IGF2R: variants seen among roughly 807,000 people sequenced by gnomAD.
IGF2R encodes insulin like growth factor 2 receptor.
Under a neutral mutation model 270.6 loss-of-function variants are expected in IGF2R, and 91 were observed. That is an observed-to-expected ratio of 0.34 (90% CI 0.28 to 0.40). The LOEUF is 0.40. Among genes scored for constraint, IGF2R ranks in the 10% least tolerant of loss-of-function variants. The pLI is 1.00. For missense variants in IGF2R, 2,805 were observed against 3,188.3 expected (o/e 0.88, Z 2.90); for synonymous variants, 1,316 against 1,258.9 (o/e 1.05, Z -0.96).
intron 4 of IGF2R, among the ~76,000 whole-genome samples, chr6:160,018,754 A>T (rs1245209835): frequency 2.0e-5 from 3 of 151,470 alleles, no homozygotes; most frequent in Non-Finnish European, 2.9e-5. Flanking sequence ...GATGGAAATT[A>T]AAAAAAAATT....
intron 1 of IGF2R, among the ~76,000 whole-genome samples, chr6:159,980,429 C>T (rs1783781823): frequency 6.6e-6 from 1 of 152,146 alleles, no homozygotes; most frequent in Admixed American, 6.5e-5. Flanking sequence ...AATTTGTGAT[C>T]AGAGACAAGG....
chr6:160,075,406 A>T (rs141950513), intron 35 of IGF2R, among the ~76,000 whole-genome samples: 12 of 152,320 alleles, frequency 7.9e-5, no homozygotes, highest in Admixed American at 3.9e-4. Flanking sequence ...GTCCCGGGGC[A>T]GCACTGGGCA....
Position 160,060,638 on chromosome 6 carries a change from G to A in IGF2R, c.3183G>A (p.Gly1061=), listed in dbSNP as rs1017781613. 6 of 1,614,246 alleles carry A rather than the reference G, an allele frequency of 3.7e-6. No homozygotes were observed. Among genetic ancestry groups the A allele is most frequent in the Non-Finnish European group, 5.1e-6 (6 of 1,180,044 alleles). ...TCCTGCATCAAGATATCGACTCTGGGCAAGGGATCCGAAACACTTACTTTG... is the reference window on the plus strand; with the variant it reads ...TCCTGCATCAAGATATCGACTCTGGACAAGGGATCCGAAACACTTACTTTG... ...LKFLHQDIDS[G]QGIRNTYFEF... The change falls in exon 23 of 48, where the codon GGG becomes GGA. Residue 1061 remains glycine (G), a synonymous_variant. Coordinates refer to ENST00000356956, the MANE Select transcript of IGF2R (RefSeq NM_000876.4).
In IGF2R at chr6:160,071,928, A is replaced by T; in HGVS notation, c.4462A>T (p.Ile1488Phe). ...GTTGTAGAACTCCAGGCCCATGTTC[A>T]TCAGCGCCGTGGAGGACTGTGAGTA... ...ESQVNSRPMF[I>F]SAVEDCEYTF... The change falls in exon 32 of 48, where the codon ATC becomes TTC. Residue 1488 changes from isoleucine to phenylalanine, a missense_variant. By Grantham distance (21) the Ile-to-Phe change is conservative. This residue lies in a region of IGF2R where 1,851 missense variants were observed against 2,207.2 expected (regional missense o/e 0.84). Transcript: ENST00000356956. 1 of 1,614,174 alleles carries T rather than the reference A, an allele frequency of 6.2e-7. No individual in the cohort carries two copies. The highest frequency in any genetic ancestry group is 1.3e-5 in the African/African-American group (1 of 75,034).
chr6:160,065,906 T>G (rs1209051985), intron 29 of IGF2R, among the ~76,000 whole-genome samples: 2 of 148,074 alleles, frequency 1.4e-5, no homozygotes, highest in African/African-American at 5.0e-5. Flanking sequence ...TGGCGTGATC[T>G]TGTCTCACTG....
At chr6:159,997,018 G>A (rs76778371) in intron 2 of IGF2R, among the ~76,000 whole-genome samples, 10,877 of 152,260 alleles carry the variant, frequency 0.071, 447 homozygotes, top group Non-Finnish European at 0.094. Context: ...GGGTGGGGGA[G>A]GAGAAGTCCT....
rs776307638 is a variant in IGF2R at position 160,050,545 on chromosome 6, G to A, written c.2587G>A (p.Gly863Ser). The A allele has an allele frequency of 8.1e-6, 13 of 1,613,954 alleles. No homozygotes were observed. The East Asian group carries it at 1.1e-4, about 14-fold the overall frequency. The change falls in exon 19 of 48, where the codon GGC (glycine) becomes AGC (serine). Residue 863 changes from glycine to serine, a missense_variant. This residue lies in a region of IGF2R where 1,851 missense variants were observed against 2,207.2 expected (regional missense o/e 0.84). Coordinates refer to ENST00000356956, the MANE Select transcript of IGF2R (RefSeq NM_000876.4). This position sits in a 1 kb window ranked among gnomAD's most constrained non-coding sequence, Gnocchi z 4.0. ...AKTGPVVEDS[G>S]SLLLEYVNGS... Reference sequence around the variant, plus strand: ...GACCGGCCCGGTGGTTGAGGACAGCGGCAGCCTCCTTCTGGAATACGTGAA... The same window carrying A: ...GACCGGCCCGGTGGTTGAGGACAGCAGCAGCCTCCTTCTGGAATACGTGAA...
chr6:160,069,763 A>G, intron 30 of IGF2R, 105 bp from the exon 31 acceptor site: 1 of 972,664 alleles, frequency 1.0e-6, no homozygotes. Context: ...ACTCTTAGAA[A>G]GCGTATGAAG....
intron 5 of IGF2R, among the ~76,000 whole-genome samples, chr6:160,026,706 A>G (rs1341267525): frequency 1.3e-5 from 2 of 152,218 alleles, no homozygotes; most frequent in Non-Finnish European, 2.9e-5. Context: ...TTAATCCTCC[A>G]CCAAACCTGT....
intron 1 of IGF2R, among the ~76,000 whole-genome samples, chr6:159,982,296 ATGTATGAG>A (rs1783818221): frequency 6.6e-6 from 1 of 152,136 alleles, no homozygotes; most frequent in Non-Finnish European, 1.5e-5. Flanking sequence ...TGTGCTGGAT[ATGTATGAG>A]CTGAAACACT....
At chr6:160,045,514 C>T (rs898323889) in intron 13 of IGF2R, among the ~76,000 whole-genome samples, 1 of 152,190 alleles carries the variant, frequency 6.6e-6, no homozygotes, top group African/African-American at 2.4e-5. Context: ...CCATTAAACA[C>T]GAGCTCTCCA....
chr6:160,008,519 T>C (rs1024215736), intron 2 of IGF2R, among the ~76,000 whole-genome samples: 1 of 152,194 alleles, frequency 6.6e-6, no homozygotes, highest in Non-Finnish European at 1.5e-5. Flanking sequence ...GTCATTCTAC[T>C]TGTGGGCCTT....
chr6:160,035,081 A>G (rs911791508), intron 10 of IGF2R, among the ~76,000 whole-genome samples: 26 of 152,136 alleles, frequency 1.7e-4, no homozygotes, highest in African/African-American at 6.3e-4. Context: ...CGCTGTCCAT[A>G]TCTTGACGAT....
In IGF2R at chr6:160,102,748, G is replaced by A. The variant is rs893180727; in HGVS notation, c.6995+77G>A. ...CTAATCTTGGGGTCAGTTTTGTGGGGTTTTATTTATTTGTTTTTAAGCCCT... is the reference window on the plus strand; with the variant it reads ...CTAATCTTGGGGTCAGTTTTGTGGGATTTTATTTATTTGTTTTTAAGCCCT... On this transcript the variant is annotated intron_variant, in intron 46 of 47. Coordinates refer to ENST00000356956, the MANE Select transcript of IGF2R (RefSeq NM_000876.4). The surrounding 1 kb of genome is among the most constrained non-coding windows in gnomAD (Gnocchi z 4.5). The A allele has an allele frequency of 1.4e-6, 2 of 1,459,532 alleles. No individual in the cohort carries two copies. The highest frequency in any genetic ancestry group is 2.3e-5 in the Admixed American group (1 of 43,644). 90.4% of individuals were successfully genotyped at this position (1,459,532 alleles called of 1,614,324 possible).
rs1027346887 is a variant in IGF2R, at chr6:160,110,818, C to T, written c.*5734C>T. 1.3e-5 allele frequency: 2 copies of T among 152,088 alleles called. No homozygotes were observed. The highest frequency in any genetic ancestry group is 4.8e-5 in the African/African-American group (2 of 41,374). The allele number at this position is 152,088 out of a possible 1,614,324, so 9.4% of individuals were successfully genotyped here. A position where few individuals can be genotyped will look rare whatever the true frequency, so the allele number is the denominator to read the frequency against. On this transcript the variant is annotated 3_prime_UTR_variant, in exon 48 of 48. Transcript: ENST00000356956. ...ATTATGCTAAGTGAAATAAGCCAGA[C>T]ACAGAAAGAAAAATACCAGATGATC...
In IGF2R at chr6:160,108,842, C is replaced by T. The variant is rs1450740686; in HGVS notation, c.*3758C>T. On this transcript the variant is annotated 3_prime_UTR_variant, in exon 48 of 48. Transcript: ENST00000356956. ...GGATTAAAGGCACGCACTGCCACGC[C>T]CGGCTAATTTTTGTATTTTTAATAG... 1 of 152,128 alleles carries T rather than the reference C, an allele frequency of 6.6e-6. No homozygotes were observed. The highest frequency in any genetic ancestry group is 1.5e-5 in the Non-Finnish European group (1 of 68,056). The allele number at this position is 152,128 out of a possible 1,614,324, so 9.4% of individuals were successfully genotyped here.
At chr6:160,101,163 A>G (rs921259200) in intron 45 of IGF2R, among the ~76,000 whole-genome samples, 1 of 152,150 alleles carries the variant, frequency 6.6e-6, no homozygotes, top group Non-Finnish European at 1.5e-5. Context: ...CCAAGAACAA[A>G]CAACTGAAAA....
intron 1 of IGF2R, among the ~76,000 whole-genome samples, chr6:159,977,221 G>A (rs539726718): frequency 6.6e-6 from 1 of 152,190 alleles, no homozygotes; most frequent in African/African-American, 2.4e-5. Context: ...TTTTCCTTGG[G>A]CCCAGTTTCT....
At chr6:160,007,652 G>T (rs184638598) in intron 2 of IGF2R, 2 of 152,256 alleles carry the variant, frequency 1.3e-5, no homozygotes, top group Non-Finnish European at 2.9e-5. Context: ...TTTCCAGCAT[G>T]GTGTGTGCTT....
Sources: gnomAD v4.1 joint callset for allele counts (sites outside exome capture counted in the v4.1 genomes callset) on GRCh38, gnomAD v4.1.1 for gene constraint, gnomAD v4.1.1 regional missense constraint, Gnocchi (gnomAD v3.1) non-coding constraint, MANE v1.5 for transcripts, NCBI Gene and HGNC (gene_info 2026-07-23, HGNC 2026-07-21) for gene names.